KIF5B: variants seen among roughly 807,000 people sequenced by gnomAD.
The protein encoded by KIF5B is kinesin-1 heavy chain.
A neutral mutation model predicts 132.8 loss-of-function variants in KIF5B; 49 were observed. The ratio of observed to expected loss-of-function variants is 0.37; its 90% confidence interval spans 0.29 to 0.47. The LOEUF (loss-of-function observed/expected upper bound fraction) is 0.47. KIF5B is among the 20% of genes least tolerant of loss of function. The probability of loss-of-function intolerance (pLI) is 1.00; values close to 1 mark genes in which losing one functional copy is unlikely to be tolerated. For synonymous variants in KIF5B, 355 were observed against 369.4 expected (o/e 0.96, Z 0.45); for missense variants, 780 against 1,144.0 (o/e 0.68, Z 4.59).
intron 2 of KIF5B, among the ~76,000 whole-genome samples, chr10:32,041,423 G>A (rs924584445): frequency 2.0e-5 from 3 of 151,722 alleles, no homozygotes; most frequent in Non-Finnish European, 4.4e-5. Flanking sequence ...CATCTCAAAT[G>A]TCATTACATC....
chr10:32,031,370 A>T, intron 13 of KIF5B, 91 bp from the exon 14 acceptor site: 1 of 910,118 alleles, frequency 1.1e-6, no homozygotes, highest in Non-Finnish European at 1.7e-6. Context: ...GAACAAATGG[A>T]GTGAAATATG....
chr10:32,042,166 C>G (rs1018386528), intron 2 of KIF5B, among the ~76,000 whole-genome samples: 5 of 151,766 alleles, frequency 3.3e-5, no homozygotes, highest in African/African-American at 4.8e-5. Context: ...AACTAATAAG[C>G]AAGCCAATCC....
At chr10:32,038,908 G>GT (rs774194864) in intron 4 of KIF5B, 82 bp from the exon 5 acceptor site, 45 of 812,742 alleles carry the variant, frequency 5.5e-5, no homozygotes, top group Non-Finnish European at 8.5e-5. Flanking sequence ...GCTAGGCATT[G>GT]TTTAGACTAG....
rs769067586 is a variant in KIF5B at position 32,056,423 on chromosome 10, G to T, written c.-450C>A. 2 of 162,892 alleles carry T rather than the reference G, an allele frequency of 1.2e-5. No individual in the cohort carries two copies. Among genetic ancestry groups the T allele is most frequent in the Non-Finnish European group, 2.7e-5 (2 of 74,470 alleles). 10.1% of individuals were successfully genotyped at this position (162,892 alleles called of 1,614,324 possible). Reference sequence around the variant, plus strand: ...ATCACTCCTGAGGCCGCCGTTGGGCGACAGGGCGGTGCGGGAGGAGGACTG... The same window carrying T: ...ATCACTCCTGAGGCCGCCGTTGGGCTACAGGGCGGTGCGGGAGGAGGACTG... On this transcript the variant is annotated 5_prime_UTR_variant, in exon 1 of 26. Transcript: ENST00000302418.
At chr10:32,037,979 G>A (rs211280) in intron 6 of KIF5B, among the ~76,000 whole-genome samples, 184 bp downstream of exon 6, 12,414 of 151,918 alleles carry the variant, frequency 0.082, 710 homozygotes, top group Non-Finnish European at 0.12. Flanking sequence ...GCGTGGTGGC[G>A]CATGCCTGTA....
intron 17 of KIF5B, 87 bp from the exon 18 acceptor site, chr10:32,021,374 G>A: frequency 1.1e-6 from 1 of 929,740 alleles, no homozygotes; most frequent in South Asian, 1.4e-5. Context: ...TTTACAATAA[G>A]CATTTTCCTT....
chr10:32,041,426 A>G (rs1841537810), intron 2 of KIF5B, among the ~76,000 whole-genome samples: 1 of 152,048 alleles, frequency 6.6e-6, no homozygotes. Flanking sequence ...CTCAAATGTC[A>G]TTACATCTAC....
In KIF5B at chr10:32,032,706, C is replaced by G; in HGVS notation, c.1374G>C (p.Glu458Asp). The change falls in exon 13 of 26, where the codon GAG becomes GAC. Residue 458 changes from glutamate (E) to aspartate (D), a missense_variant and splice_region_variant. Glu to Asp is a conservative substitution (Grantham distance 45). Around this residue, in one of 9 missense-constraint regions of KIF5B, gnomAD observed 471 missense variants for 569.9 expected, o/e 0.83. Transcript: ENST00000302418. ...KLKTQMLDQE[E>D]LLASTRRDQD... Reference sequence around the variant, plus strand: ...GCAATGTAAAAGGTATTCAACTCACCTCCTCCTGATCCAACATTTGCGTCT... The same window carrying G: ...GCAATGTAAAAGGTATTCAACTCACGTCCTCCTGATCCAACATTTGCGTCT... 1 of 1,612,034 alleles carries G rather than the reference C, an allele frequency of 6.2e-7. No homozygotes were observed. The highest frequency in any genetic ancestry group is 8.5e-7 in the Non-Finnish European group (1 of 1,178,132).
chr10:32,037,680 A>G, intron 6 of KIF5B, 73 bp from the exon 7 acceptor site: 1 of 1,174,556 alleles, frequency 8.5e-7, no homozygotes, highest in Non-Finnish European at 1.2e-6. Context: ...TAAAAACACA[A>G]AAATTAGCCG....
At chr10:32,040,987 CAAAAAAA>C (rs140467980) in intron 2 of KIF5B, among the ~76,000 whole-genome samples, 4 of 101,336 alleles carry the variant, frequency 3.9e-5, no homozygotes, top group Non-Finnish European at 6.0e-5. Context: ...GACACCATCT[CAAAAAAA>C]AAAAAAAAAA....
intron 4 of KIF5B, 27 bp from the exon 5 acceptor site, chr10:32,038,853 G>C (rs199894716): frequency 9.6e-5 from 132 of 1,368,094 alleles, no homozygotes; most frequent in Non-Finnish European, 1.3e-4. Context: ...AAAAAACACC[G>C]ATCAACTAAA....
rs748053158 is a variant in KIF5B, at chr10:32,031,184, T to C, written c.1470A>G (p.Glu490=). 2.5e-6 allele frequency: 4 copies of C among 1,613,926 alleles called. No homozygotes were observed. The highest frequency in any genetic ancestry group is 3.3e-5 in the Admixed American group (2 of 60,008). Residue 490 remains glutamate, a synonymous_variant, in exon 14 of 26, where the codon GAA becomes GAG. Coordinates refer to ENST00000302418, the MANE Select transcript of KIF5B (RefSeq NM_004521.3). ...CAAGTTCTTCTAGGGCCTGTAAAAC[T>C]TCTTTCACTTCTTCTTTAGAGGCAT... The part of the protein sequence containing the change: ...ENDASKEEVK[E]VLQALEELAV...
At chr10:32,028,156 G>GT (rs1415679431) in intron 15 of KIF5B, among the ~76,000 whole-genome samples, 1 of 152,074 alleles carries the variant, frequency 6.6e-6, no homozygotes, top group Non-Finnish European at 1.5e-5. Context: ...TAGAGACAGG[G>GT]TTTCGCCACA....
intron 10 of KIF5B, 54 bp downstream of exon 10, chr10:32,035,468 T>C (rs1235594653): frequency 1.3e-6 from 2 of 1,496,564 alleles, no homozygotes; most frequent in Non-Finnish European, 1.8e-6. Flanking sequence ...TTCCTACATT[T>C]TATAAACAAA....
chr10:32,014,431 G>A (rs115455304), intron 25 of KIF5B, among the ~76,000 whole-genome samples: 1,852 of 151,814 alleles, frequency 0.012, 37 homozygotes, highest in African/African-American at 0.042. Flanking sequence ...GGGGGCAGGG[G>A]GCCGGAAAAA....
At chr10:32,034,203 A>AG (rs1000328453) in intron 11 of KIF5B, among the ~76,000 whole-genome samples, 165 bp from the exon 12 acceptor site, 37 of 150,718 alleles carry the variant, frequency 2.5e-4, no homozygotes, top group Middle Eastern at 6.8e-3. Flanking sequence ...CTCTGCCTCC[A>AG]GGGTTCAAGC....
At chr10:32,025,483 C>G (rs1209991829) in intron 15 of KIF5B, among the ~76,000 whole-genome samples, 1 of 152,220 alleles carries the variant, frequency 6.6e-6, no homozygotes, top group Non-Finnish European at 1.5e-5. Flanking sequence ...TCAAGCAATT[C>G]TCGTGCCTTA....
chr10:32,029,218 G>A (rs1320954718), intron 14 of KIF5B, among the ~76,000 whole-genome samples: 1 of 152,184 alleles, frequency 6.6e-6, no homozygotes, highest in Non-Finnish European at 1.5e-5. Context: ...GATACAAGGT[G>A]AGCATCCCCA....
At position 32,010,568 on chromosome 10, in the gene KIF5B, G is replaced by T. The variant is rs1332806374; in HGVS notation, c.*969C>A. 6.6e-6 allele frequency: 1 copy of T among 151,944 alleles called. No individual in the cohort carries two copies. Among genetic ancestry groups the T allele is most frequent in the Non-Finnish European group, 1.5e-5 (1 of 67,972 alleles). 9.4% of individuals were successfully genotyped at this position (151,944 alleles called of 1,614,324 possible). A position where few individuals can be genotyped will look rare whatever the true frequency, so the allele number is the denominator to read the frequency against. On this transcript the variant is annotated 3_prime_UTR_variant, in exon 26 of 26. Transcript: ENST00000302418. ...CAATTTCCACACGCTATAAATTTAG[G>T]TCGGCCAATAAAGTACTAACCGTAT...
Sources: allele counts gnomAD v4.1 joint callset (sites outside exome capture counted in the v4.1 genomes callset), GRCh38; gene constraint gnomAD v4.1.1; regional missense constraint gnomAD v4.1.1; transcripts MANE v1.5; gene names NCBI Gene and HGNC (gene_info 2026-07-23, HGNC 2026-07-21).